PTPRT: variants seen among roughly 807,000 people sequenced by gnomAD.
PTPRT encodes the protein protein tyrosine phosphatase receptor type T, also known as receptor-type tyrosine-protein phosphatase T.
In PTPRT, 56 loss-of-function variants were observed where a neutral mutation model predicts 176.8. The observed-to-expected ratio is 0.32, with a 90% CI of 0.26 to 0.40. PTPRT has a LOEUF of 0.40. Ranked by LOEUF, PTPRT falls within the 10% of genes least tolerant of loss-of-function variation. The probability of loss-of-function intolerance (pLI) is 1.00; values close to 1 mark genes in which losing one functional copy is unlikely to be tolerated. For missense variants in PTPRT, 1,540 were observed against 1,908.2 expected (o/e 0.81, Z 3.60); for synonymous variants, 783 against 739.0 (o/e 1.06, Z -0.96).
intron 6 of PTPRT, among the ~76,000 whole-genome samples, chr20:42,715,793 C>A (rs1339810318): frequency 2.0e-5 from 3 of 152,188 alleles, no homozygotes; most frequent in African/African-American, 7.2e-5. Context: ...GCTCTACAGA[C>A]TTAGCGTAAA....
chr20:42,964,352 T>C (rs1982173767), intron 1 of PTPRT, among the ~76,000 whole-genome samples: 2 of 152,130 alleles, frequency 1.3e-5, no homozygotes, highest in African/African-American at 4.8e-5. Flanking sequence ...AATGCAGATG[T>C]ACCAATATCC....
chr20:42,257,382 C>T (rs1325227681), intron 13 of PTPRT, among the ~76,000 whole-genome samples: 1 of 152,174 alleles, frequency 6.6e-6, no homozygotes, highest in Non-Finnish European at 1.5e-5. Context: ...AGGGCTTTTA[C>T]TACAATCCAG....
At chr20:42,461,558 G>C (rs572479482) in intron 8 of PTPRT, among the ~76,000 whole-genome samples, 2 of 152,148 alleles carry the variant, frequency 1.3e-5, no homozygotes, top group Admixed American at 1.3e-4. Context: ...AAGAGGAGAA[G>C]CCACTGCAGA....
intron 1 of PTPRT, among the ~76,000 whole-genome samples, chr20:43,181,761 C>T (rs2015265047): frequency 6.6e-6 from 1 of 151,996 alleles, no homozygotes; most frequent in Non-Finnish European, 1.5e-5. Flanking sequence ...CCGATGTTCC[C>T]ACAACAAAGG....
At position 42,078,142 on chromosome 20, in the gene PTPRT, C is replaced by T. The variant is rs143238605; in HGVS notation, c.*2737G>A. On this transcript the variant is annotated 3_prime_UTR_variant, in exon 31 of 31. Transcript: ENST00000373187. ...GGTCCCCGGGGTCTGCTGAAATACA[C>T]CTGGGGAGAGGCTCATCAAAGGAAA... 137 of 189,182 alleles carry T rather than the reference C, an allele frequency of 7.2e-4. 1 individual carries two copies. Among genetic ancestry groups the T allele is most frequent in the African/African-American group, 2.1e-3 (90 of 42,900 alleles). The allele number at this position is 189,182 out of a possible 1,614,324, so 11.7% of individuals were successfully genotyped here. A position where few individuals can be genotyped will look rare whatever the true frequency, so the allele number is the denominator to read the frequency against.
intron 19 of PTPRT, among the ~76,000 whole-genome samples, chr20:42,127,263 C>T (rs1330934429): frequency 6.6e-6 from 1 of 152,138 alleles, no homozygotes; most frequent in Non-Finnish European, 1.5e-5. Context: ...CTATGGCAGG[C>T]CTGCTTGAGG....
chr20:42,855,817 T>C (rs1166411358), intron 2 of PTPRT, among the ~76,000 whole-genome samples: 1 of 152,198 alleles, frequency 6.6e-6, no homozygotes, highest in Non-Finnish European at 1.5e-5. Flanking sequence ...ATATAGCTCC[T>C]AATTTGAAGA....
chr20:42,436,520 G>T (rs750808383), intron 9 of PTPRT, among the ~76,000 whole-genome samples: 9 of 152,198 alleles, frequency 5.9e-5, no homozygotes, highest in Non-Finnish European at 1.2e-4. Flanking sequence ...TCAAAATGAA[G>T]AATCTTGACA....
intron 7 of PTPRT, among the ~76,000 whole-genome samples, chr20:42,502,674 C>A (rs1232748414): frequency 6.6e-6 from 1 of 152,014 alleles, no homozygotes; most frequent in African/African-American, 2.4e-5. Context: ...ACTATTAATA[C>A]AATTTACTCA....
intron 1 of PTPRT, among the ~76,000 whole-genome samples, chr20:43,185,177 G>A (rs2015360265): frequency 1.3e-5 from 2 of 152,224 alleles, no homozygotes. Flanking sequence ...TCTGTAAGGT[G>A]TTTGCAAATG....
Position 42,501,827 on chromosome 20 carries a change from G to T in PTPRT, c.1154-29265C>A, listed in dbSNP as rs189431603. The stretch of plus-strand genomic sequence containing the variant: ...GTTTTAATATGCATTCTTGAATTTT[G>T]TTCTTATGTATAAGTGACATTAAGC... On this transcript the variant is annotated intron_variant, in intron 7 of 30. Transcript: ENST00000373187. Among the ~76,000 whole-genome samples the T allele has an allele frequency of 8.0e-4, 121 of 151,932 alleles. 1 individual carries two copies. The highest frequency in any genetic ancestry group is 2.8e-3 in the African/African-American group (116 of 41,444).
At chr20:42,403,941 C>A (rs1286180168) in intron 9 of PTPRT, among the ~76,000 whole-genome samples, 3 of 152,114 alleles carry the variant, frequency 2.0e-5, no homozygotes, top group Non-Finnish European at 2.9e-5. Flanking sequence ...CCCCTCTAGG[C>A]CCTCTGGGAT....
chr20:42,911,146 T>C (rs1197231367), intron 1 of PTPRT, among the ~76,000 whole-genome samples: 3 of 152,100 alleles, frequency 2.0e-5, no homozygotes, highest in Non-Finnish European at 4.4e-5. Context: ...AGCCTAACCA[T>C]AGGAAACACT....
intron 16 of PTPRT, among the ~76,000 whole-genome samples, chr20:42,177,470 C>T (rs1339134407): frequency 6.6e-6 from 1 of 152,154 alleles, no homozygotes; most frequent in Admixed American, 6.5e-5. Flanking sequence ...AGAACAGATA[C>T]CTAACACTCT....
chr20:42,391,479 G>T lies in PTPRT; in HGVS notation c.1561-39194C>A, dbSNP rs181095400. On this transcript the variant is annotated intron_variant, in intron 9 of 30. Transcript: ENST00000373187. ...CTGGCGGCCAAACTTAGTGTGTGGG[G>T]CACGGACACTACCAGCAAAGGTTCC... 2.0e-5 allele frequency among the ~76,000 whole-genome samples: 3 copies of T among 152,302 alleles called. No homozygotes were observed. The East Asian group carries it at 5.8e-4, about 29-fold the overall frequency.
chr20:42,608,732 C>T lies in PTPRT; in HGVS notation c.1153+69134G>A, dbSNP rs925436808. On this transcript the variant is annotated intron_variant, in intron 7 of 30. Transcript: ENST00000373187. Reference sequence around the variant, plus strand: ...CCAGCTGGCACTGTCACCTGGAGCACGGACTTAGGGTCTTGCCATGGGGTC... The same window carrying T: ...CCAGCTGGCACTGTCACCTGGAGCATGGACTTAGGGTCTTGCCATGGGGTC... 1.6e-3 allele frequency among the ~76,000 whole-genome samples: 236 copies of T among 152,148 alleles called. 1 individual carries two copies. Among genetic ancestry groups the T allele is most frequent in the Non-Finnish European group, 1.3e-4 (9 of 68,022 alleles).
At chr20:42,152,518 C>T (rs368837255) in intron 17 of PTPRT, among the ~76,000 whole-genome samples, 58 of 152,330 alleles carry the variant, frequency 3.8e-4, no homozygotes, top group African/African-American at 1.3e-3. Context: ...TGTAGACTCA[C>T]AAAACACTCT....
At chr20:42,206,013 G>A (rs1206302040) in intron 15 of PTPRT, among the ~76,000 whole-genome samples, 1 of 152,110 alleles carries the variant, frequency 6.6e-6, no homozygotes, top group Non-Finnish European at 1.5e-5. Flanking sequence ...CCTTAGCTAA[G>A]ATGCACAGCA....
chr20:42,308,222 T>C (rs557617718), intron 12 of PTPRT, among the ~76,000 whole-genome samples: 1 of 152,294 alleles, frequency 6.6e-6, no homozygotes, highest in South Asian at 2.1e-4. Flanking sequence ...AGCCATTATT[T>C]TATTCCTTAA....
Sources: allele counts gnomAD v4.1 joint callset (sites outside exome capture counted in the v4.1 genomes callset), GRCh38; gene constraint gnomAD v4.1.1; transcripts MANE v1.5; gene names NCBI Gene and HGNC (gene_info 2026-07-23, HGNC 2026-07-21).